GPATCH8: variants seen among roughly 807,000 people sequenced by gnomAD.
GPATCH8 encodes the protein G-patch domain containing 8, also known as G patch domain-containing protein 8.
Under a neutral mutation model 118.3 loss-of-function variants are expected in GPATCH8, and 18 were observed. That is an observed-to-expected ratio of 0.15 (90% CI 0.11 to 0.23). GPATCH8 has a LOEUF of 0.23. GPATCH8 is among the 10% of genes least tolerant of loss of function. The pLI, the probability that GPATCH8 is intolerant of heterozygous loss-of-function variation, is 1.00. For missense variants in GPATCH8, 1,631 were observed against 1,873.8 expected, an observed-to-expected ratio of 0.87 and a Z score of 2.39; for synonymous variants, 659 against 684.7, an observed-to-expected ratio of 0.96 and a Z score of 0.59.
At chr17:44,490,127 A>G (rs1041238732) in intron 1 of GPATCH8, among the ~76,000 whole-genome samples, 17 of 152,106 alleles carry the variant, frequency 1.1e-4, no homozygotes, top group South Asian at 2.1e-4. Flanking sequence ...GGGACACCCT[A>G]TCTTTACAAA....
intron 3 of GPATCH8, among the ~76,000 whole-genome samples, chr17:44,452,633 C>T (rs948119363): frequency 6.6e-6 from 1 of 152,166 alleles, no homozygotes; most frequent in Admixed American, 6.5e-5. Context: ...GGTTTTCCAT[C>T]TCCATCCTCA....
intron 5 of GPATCH8, among the ~76,000 whole-genome samples, chr17:44,426,220 C>T (rs2050084523): frequency 6.6e-6 from 1 of 152,182 alleles, no homozygotes. Context: ...AAGGGATGAA[C>T]TTGGGTTAGG....
Position 44,400,952 on chromosome 17 carries a change from G to C in GPATCH8, c.1125C>G (p.Ser375=). The C allele has an allele frequency of 1.2e-6, 2 of 1,614,000 alleles. No homozygotes were observed. Residue 375 remains serine (S), a synonymous_variant, in exon 8 of 8, where the codon TCC becomes TCG. Transcript: ENST00000591680. The part of the protein sequence containing the change: ...QDGGSLASTL[S]KLKRMKREEG... ...CTTCTCGTTTCATCCTTTTTAATTTGGATAATGTTGAGGCAAGGGACCCTC... is the reference window on the plus strand; with the variant it reads ...CTTCTCGTTTCATCCTTTTTAATTTCGATAATGTTGAGGCAAGGGACCCTC...
intron 6 of GPATCH8, among the ~76,000 whole-genome samples, chr17:44,408,770 G>C (rs989429383): frequency 4.6e-5 from 7 of 152,158 alleles, no homozygotes; most frequent in African/African-American, 1.7e-4. Flanking sequence ...CCTACCACAG[G>C]AATATGGTTG....
At chr17:44,503,035 G>A (rs894872657) in intron 1 of GPATCH8, among the ~76,000 whole-genome samples, 4 of 152,224 alleles carry the variant, frequency 2.6e-5, no homozygotes, top group Admixed American at 2.6e-4. Context: ...GGCAGACCTG[G>A]AGGGCACAGC....
chr17:44,478,642 C>CT (rs1203538766), intron 1 of GPATCH8, among the ~76,000 whole-genome samples: 1 of 151,672 alleles, frequency 6.6e-6, no homozygotes, highest in Non-Finnish European at 1.5e-5. Context: ...GACTGGGTAA[C>CT]AAACCAAGAG....
At chr17:44,412,295 C>T (rs1199150620) in intron 6 of GPATCH8, among the ~76,000 whole-genome samples, 1 of 152,186 alleles carries the variant, frequency 6.6e-6, no homozygotes, top group Non-Finnish European at 1.5e-5. Context: ...GAGGCTGAGG[C>T]AGGAGGATTG....
intron 3 of GPATCH8, among the ~76,000 whole-genome samples, chr17:44,448,551 A>G (rs2050986179): frequency 9.5e-6 from 1 of 104,720 alleles, no homozygotes; most frequent in Non-Finnish European, 2.0e-5. Context: ...GAAGAAGAGG[A>G]AGAGGAAGAA....
At chr17:44,490,795 G>C (rs954347177) in intron 1 of GPATCH8, among the ~76,000 whole-genome samples, 1 of 152,122 alleles carries the variant, frequency 6.6e-6, no homozygotes, top group Non-Finnish European at 1.5e-5. Flanking sequence ...GACCTGCTCT[G>C]CATGTTATTA....
chr17:44,457,433 T>G (rs1258259425), intron 3 of GPATCH8, among the ~76,000 whole-genome samples: 1 of 152,202 alleles, frequency 6.6e-6, no homozygotes. Flanking sequence ...ATCCCAAAAC[T>G]TAATACAATG....
chr17:44,447,488 T>C (rs891544613), intron 3 of GPATCH8, among the ~76,000 whole-genome samples: 2 of 151,986 alleles, frequency 1.3e-5, no homozygotes, highest in Admixed American at 6.6e-5. Flanking sequence ...TTCTAGGCAA[T>C]CCCTAAAAAA....
At chr17:44,434,416 A>C (rs2050425478) in intron 5 of GPATCH8, among the ~76,000 whole-genome samples, 1 of 152,140 alleles carries the variant, frequency 6.6e-6, no homozygotes, top group African/African-American at 2.4e-5. Flanking sequence ...CAAAAACAAG[A>C]AAGGGGGTCA....
In GPATCH8 at chr17:44,436,553, A is replaced by G. The variant is rs2050521232; in HGVS notation, c.194-8T>C. 2.2e-6 allele frequency: 3 copies of G among 1,373,942 alleles called. No individual in the cohort carries two copies. Among genetic ancestry groups the G allele is most frequent in the Non-Finnish European group, 3.1e-6 (3 of 960,462 alleles). 85.1% of individuals were successfully genotyped at this position (1,373,942 alleles called of 1,614,324 possible). Reference sequence around the variant, plus strand: ...GAATGGGATCTGTTCTCCCTGTAACAGGAACACATAATCAAGGTAAGGTGC... The same window carrying G: ...GAATGGGATCTGTTCTCCCTGTAACGGGAACACATAATCAAGGTAAGGTGC... On this transcript the variant is annotated splice_region_variant and splice_polypyrimidine_tract_variant and intron_variant, in intron 3 of 7. Coordinates refer to ENST00000591680, the MANE Select transcript of GPATCH8 (RefSeq NM_001002909.4).
chr17:44,403,395 A>AT (rs2049101126), intron 7 of GPATCH8, among the ~76,000 whole-genome samples: 1 of 151,604 alleles, frequency 6.6e-6, no homozygotes. Context: ...TTAAAAAAAA[A>AT]TTTTGCAGAG....
chr17:44,405,371 G>A (rs2049181042), intron 7 of GPATCH8, among the ~76,000 whole-genome samples: 1 of 152,008 alleles, frequency 6.6e-6, no homozygotes, highest in Non-Finnish European at 1.5e-5. Flanking sequence ...ACCACGCCCG[G>A]CTAATTTTGT....
At chr17:44,402,741 C>T (rs1157628220) in intron 7 of GPATCH8, among the ~76,000 whole-genome samples, 1 of 152,198 alleles carries the variant, frequency 6.6e-6, no homozygotes, top group Non-Finnish European at 1.5e-5. Flanking sequence ...GTCAGCATGT[C>T]TGCCACAGAA....
Position 44,399,755 on chromosome 17 carries a change from A to AC in GPATCH8, c.2321dup (p.Gly775TrpfsTer2). The AC allele has an allele frequency of 6.2e-7, 1 of 1,612,618 alleles. No individual in the cohort carries two copies. The highest frequency in any genetic ancestry group is 8.5e-7 in the Non-Finnish European group (1 of 1,179,744). On this transcript the variant is annotated frameshift_variant, in exon 8 of 8. Transcript: ENST00000591680. LOFTEE classifies it high-confidence loss of function. ...CACCATGGTCTTGGGAGCTGCTACC[A>AC]CCCCCACCTTCATCCTTTTTGCCAC...
intron 3 of GPATCH8, among the ~76,000 whole-genome samples, chr17:44,460,195 T>C (rs1324705981): frequency 6.6e-6 from 1 of 152,360 alleles, no homozygotes; most frequent in African/African-American, 2.4e-5. Flanking sequence ...TTATTCTGAA[T>C]TAAACATATC....
chr17:44,448,092 C>T (rs1322367050), intron 3 of GPATCH8, among the ~76,000 whole-genome samples: 3 of 152,022 alleles, frequency 2.0e-5, no homozygotes, highest in African/African-American at 7.2e-5. Flanking sequence ...TACAGGAGCC[C>T]ACTACCAAGC....
Sources: gnomAD v4.1 joint callset for allele counts (sites outside exome capture counted in the v4.1 genomes callset) on GRCh38, gnomAD v4.1.1 for gene constraint, MANE v1.5 for transcripts, NCBI Gene and HGNC (gene_info 2026-07-23, HGNC 2026-07-21) for gene names.